Variants in SCN8A observed in about 807,000 individuals in gnomAD.
SCN8A encodes the protein sodium voltage-gated channel alpha subunit 8.
SCN8A carries 30 observed loss-of-function variants against 184.1 expected under a neutral mutation model. That is an observed-to-expected ratio of 0.16 (90% CI 0.12 to 0.22). SCN8A has a LOEUF of 0.22. Ranked by LOEUF, SCN8A falls within the 10% of genes least tolerant of loss-of-function variation. SCN8A has a pLI of 1.00. For missense variants in SCN8A, 1,057 were observed against 2,498.9 expected (o/e 0.42, Z 12.30); for synonymous variants, 852 against 907.0 (o/e 0.94, Z 1.09).
intron 1 of SCN8A, among the ~76,000 whole-genome samples, chr12:51,652,923 A>G (rs1286202620): frequency 6.6e-6 from 1 of 152,234 alleles, no homozygotes; most frequent in Non-Finnish European, 1.5e-5. Flanking sequence ...TCATCAGAGT[A>G]TCATTTATGG....
chr12:51,660,946 T>C (rs952983496), intron 1 of SCN8A, among the ~76,000 whole-genome samples: 5 of 152,068 alleles, frequency 3.3e-5, no homozygotes, highest in African/African-American at 1.2e-4. Context: ...AAAGGAATTT[T>C]AGGTTGGGGA....
Position 51,594,569 on chromosome 12 carries a change from T to C in SCN8A, c.-55+3210T>C, listed in dbSNP as rs1335150647. Among the ~76,000 whole-genome samples the C allele has an allele frequency of 2.6e-5, 4 of 152,352 alleles. No individual in the cohort carries two copies. In the East Asian group the frequency reaches 5.8e-4, roughly 22 times the overall value. ...ATGAATATTTAATTCCTATGGATTA[T>C]GTCTAAGGACACTAAAGCTATACTA... is the stretch of plus-strand genomic sequence containing the variant. On this transcript the variant is annotated intron_variant, in intron 1 of 26. Coordinates refer to ENST00000627620, the MANE Select transcript of SCN8A (RefSeq NM_001330260.2).
chr12:51,768,783 C>T, intron 16 of SCN8A, 82 bp from the exon 17 acceptor site: 1 of 1,108,892 alleles, frequency 9.0e-7, no homozygotes, highest in Non-Finnish European at 1.3e-6. Flanking sequence ...CACGTGAAGT[C>T]CATTGGCTTC....
In SCN8A at chr12:51,711,959, A is replaced by C. The variant is rs190737804; in HGVS notation, c.1635+5244A>C. Among the ~76,000 whole-genome samples the C allele has an allele frequency of 2.0e-5, 3 of 152,310 alleles. No individual in the cohort carries two copies. The East Asian group carries it at 5.8e-4, about 29-fold the overall frequency. On this transcript the variant is annotated intron_variant, in intron 11 of 26. Transcript: ENST00000627620. ...TTTACAGTTAACTTTAGCAAAATTC[A>C]TACAAAATAGTAATTAACAATGATC...
chr12:51,733,411 G>A (rs1211028157), intron 12 of SCN8A, among the ~76,000 whole-genome samples: 1 of 152,140 alleles, frequency 6.6e-6, no homozygotes, highest in Non-Finnish European at 1.5e-5. Context: ...ATCCAACTTG[G>A]TAATGATGAA....
chr12:51,745,881 T>A, intron 12 of SCN8A, 22 bp from the exon 13 acceptor site: 1 of 1,550,198 alleles, frequency 6.5e-7, no homozygotes, highest in Non-Finnish European at 8.7e-7. Context: ...CTCTATTTGC[T>A]TTTCTTTTTT....
At chr12:51,686,317 G>A (rs1191900109) in intron 3 of SCN8A, 51 bp from the exon 4 acceptor site, 2 of 1,164,930 alleles carry the variant, frequency 1.7e-6, no homozygotes, top group East Asian at 2.4e-5. Context: ...TGTTTTTTGA[G>A]AAAACAAAAG....
intron 20 of SCN8A, among the ~76,000 whole-genome samples, chr12:51,778,313 T>C (rs577347875): frequency 1.3e-4 from 20 of 152,216 alleles, no homozygotes; most frequent in African/African-American, 4.3e-4. Context: ...AGATGGAGTT[T>C]CTCTCTTTTT....
At chr12:51,768,754 A>G (rs1942875530) in intron 16 of SCN8A, 111 bp from the exon 17 acceptor site, 2 of 800,060 alleles carry the variant, frequency 2.5e-6, no homozygotes, top group Admixed American at 3.0e-5. Flanking sequence ...ACAACACAAC[A>G]GAGCCTCTTT....
intron 18 of SCN8A, 194 bp downstream of exon 18, chr12:51,770,179 T>C: frequency 1.7e-6 from 1 of 589,584 alleles, no homozygotes; most frequent in East Asian, 2.9e-5. Flanking sequence ...AAGTTTCTAT[T>C]CTCACACTTT....
At chr12:51,768,259 T>G (rs549568854) in intron 16 of SCN8A, 1 of 152,378 alleles carries the variant, frequency 6.6e-6, no homozygotes, top group South Asian at 2.1e-4. Flanking sequence ...AAAGCTTGTA[T>G]CTGATGGCTT....
rs191477852 is a variant in SCN8A, at chr12:51,711,075, A to G, written c.1635+4360A>G. Among the ~76,000 whole-genome samples the G allele has an allele frequency of 6.6e-5, 10 of 152,152 alleles. No homozygotes were observed. In the East Asian group the frequency reaches 1.9e-3, roughly 30 times the overall value. On this transcript the variant is annotated intron_variant, in intron 11 of 26. Coordinates refer to ENST00000627620, the MANE Select transcript of SCN8A (RefSeq NM_001330260.2). ...CTGAAGCCATCTCTATCTCACCTTC[A>G]CCTCTCCTTTCTTCTAGTTCAGCCT...
At chr12:51,743,007 GT>G (rs2138823268) in intron 12 of SCN8A, among the ~76,000 whole-genome samples, 1 of 152,114 alleles carries the variant, frequency 6.6e-6, no homozygotes, top group African/African-American at 2.4e-5. Context: ...CTAATGCATT[GT>G]TTAGTATTCA....
At position 51,812,533 on chromosome 12, in the gene SCN8A, C is replaced by CCAGA. The variant is rs1328283121; in HGVS notation, c.*5104_*5105insCAGA. 6.6e-6 allele frequency: 1 copy of CCAGA among 152,236 alleles called. No homozygotes were observed. The highest frequency in any genetic ancestry group is 2.4e-5 in the African/African-American group (1 of 41,442). 9.4% of individuals were successfully genotyped at this position (152,236 alleles called of 1,614,324 possible). On this transcript the variant is annotated 3_prime_UTR_variant, in exon 27 of 27. Coordinates refer to ENST00000627620, the MANE Select transcript of SCN8A (RefSeq NM_001330260.2). Reference sequence around the variant, plus strand: ...AGCTGAAATGGTACCATAAATGCTGCTATTCTGAGAGCCATTTTAAACTGC... The same window carrying CCAGA: ...AGCTGAAATGGTACCATAAATGCTGCCAGATATTCTGAGAGCCATTTTAAACTGC...
chr12:51,774,253 A>G lies in SCN8A; in HGVS notation c.3710A>G (p.Lys1237Arg), dbSNP rs377197765. ...CGCACCATCCTGGAATATGCTGACAAAGTCTTCACCTATATCTTCATCCTG... is the reference window on the plus strand; with the variant it reads ...CGCACCATCCTGGAATATGCTGACAGAGTCTTCACCTATATCTTCATCCTG... Reference protein sequence around the residue: ...TIRTILEYADKVFTYIFILEM... With the variant: ...TIRTILEYADRVFTYIFILEM... Residue 1237 changes from lysine (K) to arginine (R), a missense_variant, in exon 20 of 27, where the codon AAA becomes AGA. Physicochemically the swap from Lys to Arg is conservative, Grantham distance 26. Around this residue, in one of 19 missense-constraint regions of SCN8A, gnomAD observed 43 missense variants for 118.4 expected, o/e 0.36. Coordinates refer to ENST00000627620, the MANE Select transcript of SCN8A (RefSeq NM_001330260.2). The G allele has an allele frequency of 4.5e-5, 73 of 1,613,966 alleles. No individual in the cohort carries two copies. Among genetic ancestry groups the G allele is most frequent in the Non-Finnish European group, 5.7e-5 (67 of 1,179,966 alleles).
intron 7 of SCN8A, 96 bp downstream of exon 7, chr12:51,699,887 C>T (rs1213520508): frequency 9.3e-6 from 10 of 1,073,920 alleles, no homozygotes; most frequent in South Asian, 1.5e-5. Context: ...TAGTTGGAGG[C>T]CGGGCGCGGT....
At chr12:51,640,261 T>A in intron 1 of SCN8A, among the ~76,000 whole-genome samples, 1 of 121,834 alleles carries the variant, frequency 8.2e-6, no homozygotes, top group Admixed American at 1.0e-4. Flanking sequence ...TTTAAGACAG[T>A]GCTTTCCTAC....
chr12:51,773,138 A>C (rs992084906), intron 19 of SCN8A, among the ~76,000 whole-genome samples: 5 of 151,858 alleles, frequency 3.3e-5, no homozygotes, highest in African/African-American at 9.7e-5. Flanking sequence ...AAAGAGAGAA[A>C]GTGGAGCACC....
At chr12:51,658,002 G>A (rs1046457065) in intron 1 of SCN8A, among the ~76,000 whole-genome samples, 1 of 151,996 alleles carries the variant, frequency 6.6e-6, no homozygotes, top group African/African-American at 2.4e-5. Context: ...ATACCATGTT[G>A]TTCTGGATAC....
Sources: allele counts gnomAD v4.1 joint callset (sites outside exome capture counted in the v4.1 genomes callset), GRCh38; gene constraint gnomAD v4.1.1; regional missense constraint gnomAD v4.1.1; transcripts MANE v1.5; gene names NCBI Gene and HGNC (gene_info 2026-07-23, HGNC 2026-07-21).